The following SUPT3H variants were observed in gnomAD, a reference collection of about 807,000 sequenced individuals.
The protein encoded by SUPT3H is transcription initiation protein SPT3 homolog.
A neutral mutation model predicts 44.3 loss-of-function variants in SUPT3H; 44 were observed. That is an observed-to-expected ratio of 0.99 (90% CI 0.78 to 1.28). The LOEUF is 1.28. Ranked by LOEUF, SUPT3H falls within the 50% of genes most tolerant of loss-of-function variation. The probability of loss-of-function intolerance (pLI) is 0.00; values close to 1 mark genes in which losing one functional copy is unlikely to be tolerated. For synonymous variants in SUPT3H, 124 were observed against 125.6 expected, an observed-to-expected ratio of 0.99 and a Z score of 0.09; for missense variants, 380 against 387.1, an observed-to-expected ratio of 0.98 and a Z score of 0.15.
intron 10 of SUPT3H, among the ~76,000 whole-genome samples, chr6:44,889,931 C>A (rs1195935134): frequency 6.6e-6 from 1 of 151,528 alleles, no homozygotes; most frequent in East Asian, 1.9e-4. Flanking sequence ...AAACAAACAA[C>A]CCCATCAAAA....
chr6:44,887,146 T>TA (rs1762446681), intron 10 of SUPT3H, among the ~76,000 whole-genome samples: 1 of 152,158 alleles, frequency 6.6e-6, no homozygotes, highest in Non-Finnish European at 1.5e-5. Context: ...CAAAGAGACT[T>TA]AGACTCCCAC....
intron 1 of SUPT3H, among the ~76,000 whole-genome samples, chr6:45,371,718 A>G (rs1796095696): frequency 6.6e-6 from 1 of 152,206 alleles, no homozygotes; most frequent in Non-Finnish European, 1.5e-5. Context: ...ATGACTTTAA[A>G]CACTCAGTTA....
chr6:44,961,701 A>T, intron 7 of SUPT3H, 52 bp downstream of exon 7: 1 of 1,386,618 alleles, frequency 7.2e-7, no homozygotes, highest in Non-Finnish European at 1.0e-6. Flanking sequence ...TAGTACATCT[A>T]TAACACAAAT....
At chr6:44,874,821 A>G in intron 10 of SUPT3H, among the ~76,000 whole-genome samples, 1 of 140,786 alleles carries the variant, frequency 7.1e-6, no homozygotes. Flanking sequence ...TACAAAATCA[A>G]TGTACAAAAA....
chr6:45,158,201 G>GAGATAGCT lies in SUPT3H; in HGVS notation c.102-52196_102-52195insAGCTATCT, dbSNP rs1322602466. ...TTAATTGGTCTGGGTAGAAACCATAGAGATAGATAGATAGATAGATAGATA... is the reference window on the plus strand; with the variant it reads ...TTAATTGGTCTGGGTAGAAACCATAGAGATAGCTAGATAGATAGATAGATAGATAGATA... On this transcript the variant is annotated intron_variant, in intron 2 of 10. Coordinates refer to ENST00000371459, the MANE Select transcript of SUPT3H (RefSeq NM_003599.4). Among the ~76,000 whole-genome samples, 196 of 121,936 alleles carry GAGATAGCT rather than the reference G, an allele frequency of 1.6e-3. 2 individuals are homozygous for GAGATAGCT. The highest frequency in any genetic ancestry group is 6.2e-3 in the African/African-American group (191 of 30,820). The allele number at this position is 121,936 out of a possible 152,430, so 80.0% of individuals were successfully genotyped here.
rs562274979 is a variant in SUPT3H at position 45,086,484 on chromosome 6, G to A, written c.186+19438C>T. 2.0e-3 allele frequency among the ~76,000 whole-genome samples: 303 copies of A among 151,998 alleles called. 1 individual carries two copies. Among genetic ancestry groups the A allele is most frequent in the African/African-American group, 6.7e-3 (278 of 41,520 alleles). ...CAACCAAGAATTTTAAATTTATAAT[G>A]CTTGCATGACTAAATGTGATTTTGT... On this transcript the variant is annotated intron_variant, in intron 3 of 10. Transcript: ENST00000371459.
At chr6:45,265,266 A>G (rs1321856889) in intron 2 of SUPT3H, among the ~76,000 whole-genome samples, 1 of 152,108 alleles carries the variant, frequency 6.6e-6, no homozygotes, top group African/African-American at 2.4e-5. Flanking sequence ...CTTAGGTAAG[A>G]CCTTATGTCC....
intron 6 of SUPT3H, among the ~76,000 whole-genome samples, chr6:44,980,409 G>A (rs1167423699): frequency 6.6e-6 from 1 of 152,104 alleles, no homozygotes; most frequent in Non-Finnish European, 1.5e-5. Flanking sequence ...GAAGTTGAGG[G>A]CCTGCTGTAC....
chr6:45,076,299 T>G (rs550906607), intron 3 of SUPT3H, among the ~76,000 whole-genome samples: 3 of 152,290 alleles, frequency 2.0e-5, no homozygotes, highest in African/African-American at 7.2e-5. Flanking sequence ...TACAGTCATG[T>G]GAATGGTAAT....
At chr6:45,288,832 A>G (rs1779831139) in intron 2 of SUPT3H, among the ~76,000 whole-genome samples, 1 of 151,940 alleles carries the variant, frequency 6.6e-6, no homozygotes, top group Non-Finnish European at 1.5e-5. Flanking sequence ...AAAGAAAAAG[A>G]GAGAACTTTT....
At chr6:45,006,915 T>A (rs2153507823) in intron 5 of SUPT3H, among the ~76,000 whole-genome samples, 1 of 152,310 alleles carries the variant, frequency 6.6e-6, no homozygotes, top group African/African-American at 2.4e-5. Flanking sequence ...CATACTTCTT[T>A]CCTATTCTTC....
chr6:44,976,654 C>T (rs1197972469), intron 6 of SUPT3H, among the ~76,000 whole-genome samples: 6 of 152,242 alleles, frequency 3.9e-5, no homozygotes, highest in South Asian at 4.2e-4. Context: ...TGAGGCACTG[C>T]GCCCGGCCAT....
At chr6:45,282,179 A>G (rs988165445) in intron 2 of SUPT3H, among the ~76,000 whole-genome samples, 2 of 152,160 alleles carry the variant, frequency 1.3e-5, no homozygotes, top group Non-Finnish European at 2.9e-5. Context: ...AAATCAGAGC[A>G]CCTCTCCTCC....
intron 2 of SUPT3H, among the ~76,000 whole-genome samples, chr6:45,250,292 T>A (rs996322979): frequency 3.3e-5 from 5 of 150,898 alleles, no homozygotes; most frequent in Non-Finnish European, 7.4e-5. Flanking sequence ...GCAGACAGAA[T>A]CTTACATCTA....
chr6:45,357,370 AC>A (rs1257993326), intron 2 of SUPT3H, among the ~76,000 whole-genome samples: 3 of 150,980 alleles, frequency 2.0e-5, no homozygotes, highest in Admixed American at 6.6e-5. Flanking sequence ...TCACTCTGTT[AC>A]CCAGGCTGGA....
intron 2 of SUPT3H, among the ~76,000 whole-genome samples, chr6:45,148,420 A>T (rs953671022): frequency 1.3e-5 from 2 of 152,152 alleles, no homozygotes; most frequent in African/African-American, 4.8e-5. Context: ...TCCCAATCCA[A>T]CTGATACATT....
At chr6:44,918,973 G>C (rs1419673058) in intron 10 of SUPT3H, among the ~76,000 whole-genome samples, 3 of 152,176 alleles carry the variant, frequency 2.0e-5, no homozygotes, top group Non-Finnish European at 4.4e-5. Flanking sequence ...GACTGGAAGT[G>C]CTTATTGAGG....
intron 2 of SUPT3H, among the ~76,000 whole-genome samples, chr6:45,187,164 C>T (rs1302900080): frequency 1.4e-5 from 2 of 146,802 alleles, no homozygotes; most frequent in African/African-American, 5.0e-5. Flanking sequence ...CCTGTAATCC[C>T]AACACTCTGG....
intron 2 of SUPT3H, among the ~76,000 whole-genome samples, chr6:45,283,734 A>G (rs1419665148): frequency 2.6e-5 from 4 of 152,122 alleles, no homozygotes; most frequent in African/African-American, 7.2e-5. Flanking sequence ...CACCAAACAG[A>G]CATAATAGAC....
Sources: allele counts gnomAD v4.1 joint callset (sites outside exome capture counted in the v4.1 genomes callset), GRCh38; gene constraint gnomAD v4.1.1; transcripts MANE v1.5; gene names NCBI Gene and HGNC (gene_info 2026-07-23, HGNC 2026-07-21).